Variants in COL6A2 observed in about 807,000 individuals in gnomAD.
The protein encoded by COL6A2 is collagen type VI alpha 2 chain.
COL6A2 carries 90 observed loss-of-function variants against 124.9 expected under a neutral mutation model. That is an observed-to-expected ratio of 0.72 (90% CI 0.61 to 0.86). The LOEUF is 0.86. Among genes scored for constraint, COL6A2 ranks in the 40% least tolerant of loss-of-function variants. The pLI, the probability that COL6A2 is intolerant of heterozygous loss-of-function variation, is 0.00. For missense variants in COL6A2, 1,607 were observed against 1,502.5 expected (o/e 1.07, Z -1.15); for synonymous variants, 793 against 618.2 (o/e 1.28, Z -4.19).
At chr21:46,111,931 C>A in intron 2 of COL6A2, 48 bp from the exon 3 acceptor site, 3 of 1,569,152 alleles carry the variant, frequency 1.9e-6, no homozygotes, top group East Asian at 2.2e-5. Context: ...GGGGCTCCAA[C>A]AGCAGTCCCT....
At chr21:46,120,644 C>T (rs1443515864) in intron 16 of COL6A2, 67 bp downstream of exon 16, 7 of 1,385,354 alleles carry the variant, frequency 5.1e-6, no homozygotes, top group Non-Finnish European at 6.7e-6. Flanking sequence ...GGCTGCACCC[C>T]AAGGTAGGGT....
At chr21:46,115,344 G>T (rs1406426184) in intron 5 of COL6A2, among the ~76,000 whole-genome samples, 1 of 152,130 alleles carries the variant, frequency 6.6e-6, no homozygotes, top group East Asian at 1.9e-4. Context: ...CCTTTCCTCT[G>T]CTCCTCTTTG....
At chr21:46,125,356 G>A (rs1239856746) in intron 24 of COL6A2, 45 bp downstream of exon 24, 1 of 1,604,594 alleles carries the variant, frequency 6.2e-7, no homozygotes. Context: ...GCACCGGGTG[G>A]AGGGCGGGAG....
chr21:46,116,738 C>T lies in COL6A2; in HGVS notation c.955-32C>T, dbSNP rs762348487. The T allele has an allele frequency of 8.1e-6, 13 of 1,612,950 alleles. No individual in the cohort carries two copies. Among genetic ancestry groups the T allele is most frequent in the Admixed American group, 3.3e-5 (2 of 60,008 alleles). ...GCTGCTCAGGGCAGAAGGACCGGGGCTAATGGAGTTCCCTCTTCCTTCTCT... is the reference window on the plus strand; with the variant it reads ...GCTGCTCAGGGCAGAAGGACCGGGGTTAATGGAGTTCCCTCTTCCTTCTCT... On this transcript the variant is annotated intron_variant, in intron 9 of 27. Transcript: ENST00000300527. The surrounding 1 kb of genome is among the most constrained non-coding windows in gnomAD (Gnocchi z 4.6).
At chr21:46,106,096 A>G (rs2078332940) in intron 1 of COL6A2, among the ~76,000 whole-genome samples, 1 of 152,250 alleles carries the variant, frequency 6.6e-6, no homozygotes, top group Non-Finnish European at 1.5e-5. Flanking sequence ...CTAATACCAG[A>G]CAAGATAGGC....
rs61735828 is a variant in COL6A2 at position 46,121,563 on chromosome 21, G to A, written c.1466G>A (p.Arg489Gln). 2,015 of 1,612,800 alleles carry A rather than the reference G, an allele frequency of 1.2e-3. 15 individuals carry two copies. The African/African-American group carries it at 0.019, about 15-fold the overall frequency. Residue 489 changes from arginine to glutamine, a missense_variant, in exon 18 of 28, where the codon CGG becomes CAG. Transcript: ENST00000300527. ...TTTCTCTCCTGCCCTCAGGGATCTCGGGGAGACCCCGGTGATGCAGGACCC... is the reference window on the plus strand; with the variant it reads ...TTTCTCTCCTGCCCTCAGGGATCTCAGGGAGACCCCGGTGATGCAGGACCC... ...ALGEPGKQGS[R>Q]GDPGDAGPRG... is the part of the protein sequence containing the mutation.
Position 46,117,000 on chromosome 21 carries a change from C to T in COL6A2, c.999+186C>T, listed in dbSNP as rs1393277410. Among the ~76,000 whole-genome samples the T allele has an allele frequency of 6.6e-6, 1 of 152,176 alleles. No individual in the cohort carries two copies. The highest frequency in any genetic ancestry group is 3.2e-3 in the Middle Eastern group (1 of 316). On this transcript the variant is annotated intron_variant, in intron 10 of 27. Coordinates refer to ENST00000300527, the MANE Select transcript of COL6A2 (RefSeq NM_001849.4). The surrounding 1 kb of genome is among the most constrained non-coding windows in gnomAD (Gnocchi z 4.6). ...CATCCCACTGCCCCACCCAGGGCTT[C>T]ACCAGCCTGCATCTAATTCATGGCT... is the stretch of plus-strand genomic sequence containing the variant.
At chr21:46,109,546 G>A (rs2078372382) in intron 1 of COL6A2, among the ~76,000 whole-genome samples, 1 of 152,168 alleles carries the variant, frequency 6.6e-6, no homozygotes, top group Admixed American at 6.5e-5. Flanking sequence ...CATCCATGGT[G>A]CCCAGGCTGC....
At chr21:46,101,153 A>G (rs1362635159) in intron 1 of COL6A2, among the ~76,000 whole-genome samples, 1 of 152,050 alleles carries the variant, frequency 6.6e-6, no homozygotes, top group African/African-American at 2.4e-5. Flanking sequence ...CATTTCCCTC[A>G]TGATTAGTGA....
Position 46,116,347 on chromosome 21 carries a change from A to T in COL6A2, c.901-30A>T. 1 of 1,611,134 alleles carries T rather than the reference A, an allele frequency of 6.2e-7. No homozygotes were observed. Reference sequence around the variant, plus strand: ...TGCCTGTGTCTCTGCAGAGCTCCTCACTAATGCCCCTCTCTCCTCCTGCCC... The same window carrying T: ...TGCCTGTGTCTCTGCAGAGCTCCTCTCTAATGCCCCTCTCTCCTCCTGCCC... On this transcript the variant is annotated intron_variant, in intron 7 of 27. Coordinates refer to ENST00000300527, the MANE Select transcript of COL6A2 (RefSeq NM_001849.4). The surrounding 1 kb of genome is among the most constrained non-coding windows in gnomAD (Gnocchi z 4.6).
At chr21:46,113,973 C>G (rs2078437661) in intron 4 of COL6A2, 35 bp from the exon 5 acceptor site, 20 of 1,587,148 alleles carry the variant, frequency 1.3e-5, no homozygotes, top group South Asian at 3.3e-5. Flanking sequence ...AATGTCCCAC[C>G]CATGCAACCT....
intron 27 of COL6A2, among the ~76,000 whole-genome samples, chr21:46,131,291 C>G (rs984422619): frequency 1.3e-5 from 2 of 152,228 alleles, no homozygotes; most frequent in African/African-American, 2.4e-5. Context: ...TATGGCCAGG[C>G]CCCCAAGCTG....
At chr21:46,127,986 C>T (rs1365508218) in intron 27 of COL6A2, among the ~76,000 whole-genome samples, 4 of 152,188 alleles carry the variant, frequency 2.6e-5, no homozygotes, top group Non-Finnish European at 5.9e-5. Context: ...GGCCCTGATT[C>T]GCTGATGCCT....
At chr21:46,125,208 C>A in intron 23 of COL6A2, 58 bp from the exon 24 acceptor site, 1 of 1,512,514 alleles carries the variant, frequency 6.6e-7, no homozygotes, top group Non-Finnish European at 9.2e-7. Flanking sequence ...CAGGACCTTG[C>A]TGTGGAAACT....
At position 46,122,952 on chromosome 21, in the gene COL6A2, C is replaced by T; in HGVS notation, c.1671+15C>T. Reference sequence around the variant, plus strand: ...AAGGAGAGCCTGTGAGTGTCACCGTCCCGAAGCCCACAGCAGCTGGGCAGA... The same window carrying T: ...AAGGAGAGCCTGTGAGTGTCACCGTTCCGAAGCCCACAGCAGCTGGGCAGA... On this transcript the variant is annotated intron_variant, in intron 21 of 27. Transcript: ENST00000300527. 2 of 1,612,270 alleles carry T rather than the reference C, an allele frequency of 1.2e-6. No homozygotes were observed. Among genetic ancestry groups the T allele is most frequent in the South Asian group, 1.1e-5 (1 of 91,058 alleles).
At chr21:46,128,295 G>A (rs547719272) in intron 27 of COL6A2, among the ~76,000 whole-genome samples, 6 of 152,138 alleles carry the variant, frequency 3.9e-5, no homozygotes, top group South Asian at 2.1e-4. Context: ...CCCTCCTCTC[G>A]GCCGCCCTGA....
intron 1 of COL6A2, among the ~76,000 whole-genome samples, chr21:46,099,889 CTT>C (rs869028897): frequency 0.087 from 7,987 of 91,450 alleles, 400 homozygotes; most frequent in East Asian, 0.36. Context: ...GCAGCACTGT[CTT>C]TTTTTTTTTT....
intron 1 of COL6A2, among the ~76,000 whole-genome samples, chr21:46,105,056 G>A (rs2078322808): frequency 6.6e-6 from 1 of 152,152 alleles, no homozygotes; most frequent in South Asian, 2.1e-4. Context: ...TTGAAATAAA[G>A]GGTGATAGAC....
intron 17 of COL6A2, 85 bp downstream of exon 17, chr21:46,121,208 A>C (rs2078561041): frequency 7.4e-7 from 1 of 1,351,580 alleles, no homozygotes; most frequent in African/African-American, 1.4e-5. Context: ...GGAGCTAGCC[A>C]CTGTCCCCAT....
Sources: allele counts gnomAD v4.1 joint callset (sites outside exome capture counted in the v4.1 genomes callset), GRCh38; gene constraint gnomAD v4.1.1; non-coding constraint Gnocchi (gnomAD v3.1); transcripts MANE v1.5; gene names NCBI Gene and HGNC (gene_info 2026-07-23, HGNC 2026-07-21).